The following GUCY1A2 variants were observed in gnomAD, a reference collection of about 807,000 sequenced individuals.
GUCY1A2 encodes guanylate cyclase 1 soluble subunit alpha 2.
In GUCY1A2, 27 loss-of-function variants were observed where a neutral mutation model predicts 63.5. That is an observed-to-expected ratio of 0.43 (90% CI 0.31 to 0.59). The LOEUF (loss-of-function observed/expected upper bound fraction) is 0.59, where lower values mean the gene tolerates loss of function less well. GUCY1A2 is among the 20% of genes least tolerant of loss of function. GUCY1A2 has a pLI of 0.11. For synonymous variants in GUCY1A2, 364 were observed against 343.5 expected (o/e 1.06, Z -0.66); for missense variants, 768 against 913.3 (o/e 0.84, Z 2.05).
chr11:106,868,801 C>G (rs1436573834), intron 4 of GUCY1A2, among the ~76,000 whole-genome samples: 1 of 152,154 alleles, frequency 6.6e-6, no homozygotes, highest in African/African-American at 2.4e-5. Context: ...ATTGCCAAGT[C>G]AATCCTAAGC....
chr11:106,787,713 A>C (rs1158652872), intron 5 of GUCY1A2, among the ~76,000 whole-genome samples: 1 of 150,716 alleles, frequency 6.6e-6, no homozygotes, highest in African/African-American at 2.4e-5. Flanking sequence ...AAATGACAGG[A>C]TCTCATTCTT....
chr11:106,845,618 G>C (rs1859260024), intron 4 of GUCY1A2, among the ~76,000 whole-genome samples: 1 of 151,248 alleles, frequency 6.6e-6, no homozygotes. Context: ...TTTTGTAAAA[G>C]AGATCTCACT....
intron 5 of GUCY1A2, among the ~76,000 whole-genome samples, chr11:106,796,671 T>C (rs935237788): frequency 6.6e-6 from 1 of 152,186 alleles, no homozygotes; most frequent in African/African-American, 2.4e-5. Flanking sequence ...CTTCCCTTTG[T>C]GGGTAACCCG....
chr11:106,850,541 T>C (rs1386921832), intron 4 of GUCY1A2, among the ~76,000 whole-genome samples: 1 of 151,770 alleles, frequency 6.6e-6, no homozygotes, highest in African/African-American at 2.4e-5. Context: ...ACAATTCTAC[T>C]CTCCATTTCC....
intron 6 of GUCY1A2, among the ~76,000 whole-genome samples, chr11:106,750,156 T>A (rs1198556376): frequency 6.6e-6 from 1 of 152,046 alleles, no homozygotes; most frequent in Admixed American, 6.6e-5. Context: ...AAGTCACAGA[T>A]TCCAAAAGCC....
intron 3 of GUCY1A2, 27 bp downstream of exon 3, chr11:106,978,592 C>G: frequency 7.3e-7 from 1 of 1,378,764 alleles, no homozygotes. Flanking sequence ...TCTCTCTCAT[C>G]CATATAAATA....
Position 106,731,221 on chromosome 11 carries a change from G to C in GUCY1A2, c.1837-22555C>G, listed in dbSNP as rs189562068. Among the ~76,000 whole-genome samples the C allele has an allele frequency of 3.6e-3, 542 of 151,906 alleles. 1 individual carries two copies. The highest frequency in any genetic ancestry group is 0.013 in the African/African-American group (519 of 41,452). ...AGGTTATCCTCCTGAGTTTTTTATAGTTTTAGGTTATACATTTATGCCTTT... is the reference window on the plus strand; with the variant it reads ...AGGTTATCCTCCTGAGTTTTTTATACTTTTAGGTTATACATTTATGCCTTT... On this transcript the variant is annotated intron_variant, in intron 6 of 7. Transcript: ENST00000526355.
At chr11:106,911,134 A>C (rs904240036) in intron 4 of GUCY1A2, among the ~76,000 whole-genome samples, 2 of 152,046 alleles carry the variant, frequency 1.3e-5, no homozygotes, top group African/African-American at 4.8e-5. Context: ...ACAAACTCTT[A>C]GGAAAAATGG....
At chr11:106,905,368 C>G (rs1262985526) in intron 4 of GUCY1A2, among the ~76,000 whole-genome samples, 1 of 152,052 alleles carries the variant, frequency 6.6e-6, no homozygotes, top group Admixed American at 6.6e-5. Flanking sequence ...TCTCACATAT[C>G]TGGAAGTTGA....
chr11:106,722,310 ATAAAG>A (rs1379500566), intron 6 of GUCY1A2, among the ~76,000 whole-genome samples: 1 of 151,894 alleles, frequency 6.6e-6, no homozygotes, highest in African/African-American at 2.4e-5. Context: ...CCAATAACTG[ATAAAG>A]TAATCTCAGA....
intron 6 of GUCY1A2, among the ~76,000 whole-genome samples, chr11:106,723,535 TA>T (rs1265617683): frequency 6.6e-6 from 1 of 152,086 alleles, no homozygotes; most frequent in Non-Finnish European, 1.5e-5. Flanking sequence ...AATATTTAAG[TA>T]AAAAATGGCC....
At position 106,939,459 on chromosome 11, in the gene GUCY1A2, C is replaced by T; in HGVS notation, c.1206+1G>A. The T allele has an allele frequency of 6.6e-7, 1 of 1,524,468 alleles. No homozygotes were observed. Among genetic ancestry groups the T allele is most frequent in the Non-Finnish European group, 9.1e-7 (1 of 1,101,918 alleles). The allele number at this position is 1,524,468 out of a possible 1,614,324, so 94.4% of individuals were successfully genotyped here. A position where few individuals can be genotyped will look rare whatever the true frequency, so the allele number is the denominator to read the frequency against. On this transcript the variant is annotated splice_donor_variant, in intron 4 of 7. Coordinates refer to ENST00000526355, the MANE Select transcript of GUCY1A2 (RefSeq NM_000855.3). LOFTEE classifies it high-confidence loss of function. ...CACCATCTCAAGTCCATAGCACTTACCTTGTCTTTATTTTCAGAGCCAGAA... is the reference window on the plus strand; with the variant it reads ...CACCATCTCAAGTCCATAGCACTTATCTTGTCTTTATTTTCAGAGCCAGAA...
chr11:106,697,191 AC>A (rs1326874607), intron 7 of GUCY1A2, among the ~76,000 whole-genome samples: 1 of 152,236 alleles, frequency 6.6e-6, no homozygotes, highest in Non-Finnish European at 1.5e-5. Flanking sequence ...GGCTAATATC[AC>A]AAAAACTGAT....
intron 6 of GUCY1A2, among the ~76,000 whole-genome samples, chr11:106,758,850 G>A (rs1864017722): frequency 6.6e-6 from 1 of 152,142 alleles, no homozygotes. Context: ...AGGAGGTTTT[G>A]TTGACACACT....
At chr11:106,727,170 A>G (rs1353125818) in intron 6 of GUCY1A2, among the ~76,000 whole-genome samples, 1 of 152,206 alleles carries the variant, frequency 6.6e-6, no homozygotes, top group African/African-American at 2.4e-5. Flanking sequence ...CTTGATATCA[A>G]CGCAAATCTG....
At position 106,681,835 on chromosome 11, in the gene GUCY1A2, C is replaced by T. The variant is rs1395147893; in HGVS notation, c.*5714G>A. The T allele has an allele frequency of 4.6e-6, 1 of 216,486 alleles. No homozygotes were observed. Among genetic ancestry groups the T allele is most frequent in the Non-Finnish European group, 9.3e-6 (1 of 107,640 alleles). 13.4% of individuals were successfully genotyped at this position (216,486 alleles called of 1,614,324 possible). On this transcript the variant is annotated 3_prime_UTR_variant, in exon 8 of 8. Transcript: ENST00000526355. ...CTTGAAAGGTTGTTACACGGTATTG[C>T]TTGGAAATCAGTTTTCAGATAATGT... is the stretch of plus-strand genomic sequence containing the variant.
At chr11:106,927,391 A>T (rs1860541003) in intron 4 of GUCY1A2, among the ~76,000 whole-genome samples, 1 of 151,946 alleles carries the variant, frequency 6.6e-6, no homozygotes, top group Admixed American at 6.5e-5. Flanking sequence ...AATCAAGATT[A>T]TAGAGAAACA....
chr11:106,837,852 G>C (rs11211941), intron 4 of GUCY1A2, among the ~76,000 whole-genome samples: 10 of 151,668 alleles, frequency 6.6e-5, no homozygotes, highest in Non-Finnish European at 1.3e-4. Flanking sequence ...GTTTCTTCCT[G>C]AGAAGAATCC....
chr11:106,979,473 A>AAAAAAAG (rs911419925), intron 2 of GUCY1A2, among the ~76,000 whole-genome samples: 13 of 150,198 alleles, frequency 8.7e-5, no homozygotes, highest in African/African-American at 3.2e-4. Context: ...AAAAAAAAAA[A>AAAAAAAG]AAGAAGAAGA....
Sources: allele counts gnomAD v4.1 joint callset (sites outside exome capture counted in the v4.1 genomes callset), GRCh38; gene constraint gnomAD v4.1.1; transcripts MANE v1.5; gene names NCBI Gene and HGNC (gene_info 2026-07-23, HGNC 2026-07-21).